The following IQSEC1 variants were observed in gnomAD, a reference collection of about 807,000 sequenced individuals.
IQSEC1 encodes the protein IQ motif and Sec7 domain ArfGEF 1.
IQSEC1 carries 31 observed loss-of-function variants against 91.0 expected under a neutral mutation model. That is an observed-to-expected ratio of 0.34 (90% CI 0.26 to 0.46). IQSEC1 has a LOEUF of 0.46. IQSEC1 is among the 20% of genes least tolerant of loss of function. The probability of loss-of-function intolerance (pLI) is 1.00; values close to 1 mark genes in which losing one functional copy is unlikely to be tolerated. For missense variants in IQSEC1, 1,388 were observed against 1,575.6 expected (o/e 0.88, Z 2.02); for synonymous variants, 699 against 662.6 (o/e 1.05, Z -0.84).
chr3:12,935,319 GGCA>G lies in IQSEC1; in HGVS notation c.1568+126_1568+128del. On this transcript the variant is annotated intron_variant, in intron 3 of 13. Coordinates refer to ENST00000613206, the MANE Select transcript of IQSEC1 (RefSeq NM_001134382.3). This position sits in a 1 kb window ranked among gnomAD's most constrained non-coding sequence, Gnocchi z 8.0. ...ACCGTCCTAGCCACCGACCTTGTGT[GGCA>G]GCTTCCTATGCTCATAGGCCACGGT... 1 of 882,000 alleles carries G rather than the reference GGCA, an allele frequency of 1.1e-6. No homozygotes were observed. The highest frequency in any genetic ancestry group is 1.7e-6 in the Non-Finnish European group (1 of 579,864). The allele number at this position is 882,000 out of a possible 1,614,324, so 54.6% of individuals were successfully genotyped here. A position where few individuals can be genotyped will look rare whatever the true frequency, so the allele number is the denominator to read the frequency against.
intron 1 of IQSEC1, among the ~76,000 whole-genome samples, chr3:13,230,330 C>G (rs1246940442): frequency 6.6e-6 from 1 of 152,208 alleles, no homozygotes; most frequent in Non-Finnish European, 1.5e-5. Context: ...CAAAATTGAC[C>G]TTGTTCGATG....
At chr3:13,029,872 C>T (rs1703777700) in intron 1 of IQSEC1, among the ~76,000 whole-genome samples, 1 of 152,244 alleles carries the variant, frequency 6.6e-6, no homozygotes, top group African/African-American at 2.4e-5. Context: ...GGCTGTTTCC[C>T]AATACCCAGA....
chr3:13,142,948 G>C (rs1158004995), intron 2 of IQSEC1, among the ~76,000 whole-genome samples: 3 of 152,190 alleles, frequency 2.0e-5, no homozygotes, highest in Non-Finnish European at 2.9e-5. Context: ...CTGTTCCCCT[G>C]TGTGCCACAT....
chr3:12,901,571 T>C, intron 13 of IQSEC1, 49 bp from the exon 14 acceptor site: 2 of 1,433,588 alleles, frequency 1.4e-6, no homozygotes, highest in Non-Finnish European at 1.9e-6. Context: ...TTCAAGCACT[T>C]AGGTCAGAAT....
At position 12,907,466 on chromosome 3, in the gene IQSEC1, C is replaced by T. The variant is rs149108031; in HGVS notation, c.2755+883G>A. Among the ~76,000 whole-genome samples, 33 of 152,302 alleles carry T rather than the reference C, an allele frequency of 2.2e-4. No individual in the cohort carries two copies. In the East Asian group the frequency reaches 5.6e-3, roughly 26 times the overall value. ...GGCCACTGCAGCCCCAGGCAGTCCC[C>T]GGGGCCCCTCCTGGGAGAAGCTCGC... On this transcript the variant is annotated intron_variant, in intron 12 of 13. Transcript: ENST00000613206.
intron 1 of IQSEC1, among the ~76,000 whole-genome samples, chr3:13,281,234 G>C (rs535193082): frequency 2.6e-5 from 4 of 152,240 alleles, no homozygotes; most frequent in African/African-American, 9.6e-5. Context: ...GAAAGGGCCC[G>C]GGCCCCTGTG....
intron 1 of IQSEC1, among the ~76,000 whole-genome samples, chr3:12,947,133 A>T (rs1699231184): frequency 6.6e-6 from 1 of 152,256 alleles, no homozygotes; most frequent in Admixed American, 6.5e-5. Flanking sequence ...CCTCGGGGAG[A>T]TGATGTGATC....
intron 1 of IQSEC1, among the ~76,000 whole-genome samples, chr3:13,272,255 C>G (rs943157560): frequency 2.0e-5 from 3 of 152,100 alleles, no homozygotes; most frequent in Non-Finnish European, 2.9e-5. Context: ...AATAATGCTC[C>G]CCACTTCACA....
Position 13,211,279 on chromosome 3 carries a change from A to G in IQSEC1, c.273-47146T>C, listed in dbSNP as rs1246075422. The stretch of plus-strand genomic sequence containing the variant: ...CACCACCTCCTCGACAGCAATGAAC[A>G]TGAAAGGCCTTCTTGGCAGCGAGCT... On this transcript the variant is annotated intron_variant, in intron 1 of 15. Transcript: ENST00000648114. The surrounding 1 kb of genome is among the most constrained non-coding windows in gnomAD (Gnocchi z 5.3). Among the ~76,000 whole-genome samples, 3 of 152,206 alleles carry G rather than the reference A, an allele frequency of 2.0e-5. No homozygotes were observed. Among genetic ancestry groups the G allele is most frequent in the Non-Finnish European group, 4.4e-5 (3 of 68,030 alleles).
intron 12 of IQSEC1, among the ~76,000 whole-genome samples, chr3:12,907,052 T>C (rs1695058922): frequency 6.6e-6 from 1 of 152,076 alleles, no homozygotes; most frequent in African/African-American, 2.4e-5. Flanking sequence ...CAACCAGTAG[T>C]AGAGGCCAGG....
At chr3:13,064,969 T>C (rs1321406402) in intron 1 of IQSEC1, among the ~76,000 whole-genome samples, 1 of 152,260 alleles carries the variant, frequency 6.6e-6, no homozygotes, top group Non-Finnish European at 1.5e-5. Context: ...TGATGAAGGC[T>C]TGACGCATAG....
chr3:13,117,679 G>A (rs530168677), intron 2 of IQSEC1, among the ~76,000 whole-genome samples: 1 of 150,516 alleles, frequency 6.6e-6, no homozygotes, highest in African/African-American at 2.5e-5. Context: ...AAGGACAGGA[G>A]TTCGAGACCA....
intron 2 of IQSEC1, among the ~76,000 whole-genome samples, chr3:13,101,675 C>T (rs1409390724): frequency 6.6e-6 from 1 of 151,972 alleles, no homozygotes; most frequent in Admixed American, 6.6e-5. Flanking sequence ...ACTCAGAGTC[C>T]TGTTTTGGCT....
chr3:13,190,189 C>A (rs1238102398), intron 1 of IQSEC1, among the ~76,000 whole-genome samples: 1 of 152,182 alleles, frequency 6.6e-6, no homozygotes, highest in Non-Finnish European at 1.5e-5. Context: ...CAGACCACAG[C>A]CTGCAGGAAG....
At chr3:13,023,155 G>T in intron 1 of IQSEC1, among the ~76,000 whole-genome samples, 1 of 152,330 alleles carries the variant, frequency 6.6e-6, no homozygotes, top group East Asian at 1.9e-4. Context: ...AAGAGCCCAC[G>T]CTGGAGTCAG....
Position 13,073,211 on chromosome 3 carries a change from T to A in IQSEC1, c.-197A>T. The stretch of plus-strand genomic sequence containing the variant: ...GCGGGGGGCGGCGCCAGCAGCGGGC[T>A]GTGGAGGGCCCTGGCACGTAGCGCG... On this transcript the variant is annotated 5_prime_UTR_variant, in exon 1 of 14. Transcript: ENST00000613206. 1 of 663,472 alleles carries A rather than the reference T, an allele frequency of 1.5e-6. No homozygotes were observed. The highest frequency in any genetic ancestry group is 2.6e-6 in the Non-Finnish European group (1 of 378,020). The allele number at this position is 663,472 out of a possible 1,614,324, so 41.1% of individuals were successfully genotyped here.
intron 1 of IQSEC1, among the ~76,000 whole-genome samples, chr3:13,220,246 C>T (rs12637445): frequency 0.2 from 29,961 of 152,264 alleles, 4,150 homozygotes; most frequent in African/African-American, 0.38. Context: ...AAGGGGACTG[C>T]GCCACTCAGT....
At chr3:13,076,986 T>C (rs945252103), upstream of IQSEC1, among the ~76,000 whole-genome samples, 5 of 150,812 alleles carry the variant, frequency 3.3e-5, no homozygotes, top group African/African-American at 9.7e-5. Flanking sequence ...AAGTATTACA[T>C]AGACCCTAAA....
chr3:13,188,348 T>A (rs1693967867), intron 1 of IQSEC1, among the ~76,000 whole-genome samples: 1 of 152,164 alleles, frequency 6.6e-6, no homozygotes. Flanking sequence ...AGACCAGCTA[T>A]CAGAGCCCTG....
Sources: allele counts gnomAD v4.1 joint callset (sites outside exome capture counted in the v4.1 genomes callset), GRCh38; gene constraint gnomAD v4.1.1; non-coding constraint Gnocchi (gnomAD v3.1); transcripts MANE v1.5; gene names NCBI Gene and HGNC (gene_info 2026-07-23, HGNC 2026-07-21).